DNMT3L: variants seen among roughly 807,000 people sequenced by gnomAD.
DNMT3L encodes DNA (cytosine-5)-methyltransferase 3-like.
DNMT3L carries 33 observed loss-of-function variants against 36.2 expected under a neutral mutation model. The observed-to-expected ratio is 0.91, with a 90% CI of 0.69 to 1.22. The LOEUF (loss-of-function observed/expected upper bound fraction) is 1.22, where lower values mean the gene tolerates loss of function less well. DNMT3L is among the 50% of genes most tolerant of loss of function. DNMT3L has a pLI of 0.00. For synonymous variants in DNMT3L, 117 were observed against 121.7 expected (o/e 0.96, Z 0.26); for missense variants, 310 against 303.1 (o/e 1.02, Z -0.17).
chr21:44,256,420 T>C (rs896380181), intron 6 of DNMT3L, among the ~76,000 whole-genome samples: 1 of 80,178 alleles, frequency 1.2e-5, no homozygotes, highest in Admixed American at 1.1e-4. Flanking sequence ...GGTTTGCTGA[T>C]TTTTTTTTTT....
chr21:44,259,642 G>A lies in DNMT3L; in HGVS notation c.221C>T (p.Ala74Val). Residue 74 changes from alanine (A) to valine (V), a missense_variant, in exon 4 of 12, where the codon GCC becomes GTC. By Grantham distance (64) the Ala-to-Val change is moderately conservative. Transcript: ENST00000628202. Reference sequence around the variant, plus strand: ...AGCCTCCCTGCCTACCTTACATGGGGCGCAGATCCCTCCCTCAAACAGAGG... The same window carrying A: ...AGCCTCCCTGCCTACCTTACATGGGACGCAGATCCCTCCCTCAAACAGAGG... Reference protein sequence around the residue: ...QHPLFEGGICAPCKDKFLDAL... With the variant: ...QHPLFEGGICVPCKDKFLDAL... 1 of 1,613,232 alleles carries A rather than the reference G, an allele frequency of 6.2e-7. No homozygotes were observed. Among genetic ancestry groups the A allele is most frequent in the East Asian group, 2.2e-5 (1 of 44,886 alleles).
chr21:44,254,746 G>A (rs55831401), intron 7 of DNMT3L, 41 bp from the exon 8 acceptor site: 131,361 of 1,607,200 alleles, frequency 0.082, 5,979 homozygotes, highest in Non-Finnish European at 0.094. Context: ...GGGTGAGCGT[G>A]GATTGTGCCC....
chr21:44,255,712 C>A (rs11909312), intron 7 of DNMT3L, among the ~76,000 whole-genome samples: 1 of 152,160 alleles, frequency 6.6e-6, no homozygotes, highest in Non-Finnish European at 1.5e-5. Context: ...GCTGTGCAGG[C>A]GCTGCGGGAT....
At position 44,258,667 on chromosome 21, in the gene DNMT3L, G is replaced by T. The variant is rs755214375; in HGVS notation, c.372C>A (p.Ser124Arg). 15 of 1,612,806 alleles carry T rather than the reference G, an allele frequency of 9.3e-6. No homozygotes were observed. The highest frequency in any genetic ancestry group is 1.3e-5 in the Non-Finnish European group (15 of 1,179,978). ...TCCCCGAGGTCCCGGGGCCGACCAG[G>T]CTATCCACACACTCGAAGCAGTAGC... ...TRCYCFECVD[S>R]LVGPGTSGKV... Residue 124 changes from serine (S) to arginine (R), a missense_variant, in exon 6 of 12, where the codon AGC becomes AGA. Ser to Arg is a moderately radical substitution (Grantham distance 110, BLOSUM62 -1). Transcript: ENST00000628202. The surrounding 1 kb of genome is among the most constrained non-coding windows in gnomAD (Gnocchi z 6.2).
chr21:44,261,359 C>T (rs1408496619), intron 1 of DNMT3L, 93 bp from the exon 2 acceptor site: 9 of 1,227,742 alleles, frequency 7.3e-6, no homozygotes, highest in Admixed American at 5.6e-5. Flanking sequence ...GCTTGCTGAG[C>T]AGACCTTGAC....
At position 44,259,556 on chromosome 21, in the gene DNMT3L, A is replaced by G. The variant is rs745831889; in HGVS notation, c.232-7T>C. The G allele has an allele frequency of 6.2e-7, 1 of 1,613,682 alleles. No individual in the cohort carries two copies. ...GGGCATCCAGGAACTTGTCCTTGGAAGGAGCAAAGCAAGGCTGGCTTGTGT... is the reference window on the plus strand; with the variant it reads ...GGGCATCCAGGAACTTGTCCTTGGAGGGAGCAAAGCAAGGCTGGCTTGTGT... On this transcript the variant is annotated splice_region_variant and splice_polypyrimidine_tract_variant and intron_variant, in intron 4 of 11. Coordinates refer to ENST00000628202, the MANE Select transcript of DNMT3L (RefSeq NM_175867.3).
Position 44,261,167 on chromosome 21 carries a change from G to A in DNMT3L, c.93C>T (p.Pro31=), listed in dbSNP as rs150520240. The A allele has an allele frequency of 4.7e-4, 753 of 1,612,642 alleles. 4 individuals are homozygous for A. In the South Asian group the frequency reaches 6.0e-3, roughly 13 times the overall value. ...GSSELSSSVS[P]GTGRDLIAYE... is the part of the protein sequence containing the mutation. Reference sequence around the variant, plus strand: ...ATGAGCCCTCACCTCTGCCTGTCCCGGGTGAAACGGAGCTTGAGAGCTCAC... The same window carrying A: ...ATGAGCCCTCACCTCTGCCTGTCCCAGGTGAAACGGAGCTTGAGAGCTCAC... The change falls in exon 2 of 12, where the codon CCC becomes CCT. Residue 31 remains proline (P), a synonymous_variant. Coordinates refer to ENST00000628202, the MANE Select transcript of DNMT3L (RefSeq NM_175867.3).
chr21:44,259,013 G>C (rs1371865513), intron 5 of DNMT3L, among the ~76,000 whole-genome samples: 1 of 152,118 alleles, frequency 6.6e-6, no homozygotes, highest in Non-Finnish European at 1.5e-5. Flanking sequence ...ACCAAATGTA[G>C]CAACAGCAGC....
In DNMT3L at chr21:44,261,269, G is replaced by A; in HGVS notation, c.-7-3C>T. The A allele has an allele frequency of 6.2e-7, 1 of 1,611,952 alleles. No individual in the cohort carries two copies. Among genetic ancestry groups the A allele is most frequent in the Middle Eastern group, 1.7e-4 (1 of 5,876 alleles). ...CTGGGATGGCCGCCATGGGGATGCT[G>A]TGTCAGGACACACGGACACAGATGT... On this transcript the variant is annotated splice_region_variant and splice_polypyrimidine_tract_variant and intron_variant, in intron 1 of 11. Transcript: ENST00000628202.
intron 7 of DNMT3L, among the ~76,000 whole-genome samples, 181 bp from the exon 8 acceptor site, chr21:44,254,886 C>T (rs112934072): frequency 6.6e-6 from 1 of 152,180 alleles, no homozygotes; most frequent in Non-Finnish European, 1.5e-5. Flanking sequence ...AGCGCAGTGG[C>T]GTGATCTTGG....
Position 44,258,399 on chromosome 21 carries a change from G to T in DNMT3L, c.516+124C>A. 2 of 1,340,778 alleles carry T rather than the reference G, an allele frequency of 1.5e-6. No homozygotes were observed. The highest frequency in any genetic ancestry group is 2.0e-6 in the Non-Finnish European group (2 of 1,008,164). The allele number at this position is 1,340,778 out of a possible 1,614,324, so 83.1% of individuals were successfully genotyped here. A position where few individuals can be genotyped will look rare whatever the true frequency, so the allele number is the denominator to read the frequency against. ...ATCGGAGAGGAACCCAGGAAAGAGTGTTTGCTCCCGAGGCTGCAGCCGTGG... is the reference window on the plus strand; with the variant it reads ...ATCGGAGAGGAACCCAGGAAAGAGTTTTTGCTCCCGAGGCTGCAGCCGTGG... On this transcript the variant is annotated intron_variant, in intron 6 of 11. Transcript: ENST00000628202. This position sits in a 1 kb window ranked among gnomAD's most constrained non-coding sequence, Gnocchi z 6.2.
intron 1 of DNMT3L, 42 bp from the exon 2 acceptor site, chr21:44,261,308 G>A: frequency 6.3e-7 from 1 of 1,586,896 alleles, no homozygotes; most frequent in Non-Finnish European, 8.6e-7. Flanking sequence ...AAAGCCGTCA[G>A]CCCCTGCTCA....
At chr21:44,260,977 T>C (rs537940811) in intron 2 of DNMT3L, 138 bp from the exon 3 acceptor site, 14 of 1,418,034 alleles carry the variant, frequency 9.9e-6, no homozygotes, top group Non-Finnish European at 1.4e-5. Context: ...CCCTCACACC[T>C]TATCTTGGTG....
Position 44,255,234 on chromosome 21 carries a change from A to G in DNMT3L, c.605-529T>C, listed in dbSNP as rs115951705. On this transcript the variant is annotated intron_variant, in intron 7 of 11. Transcript: ENST00000628202. The stretch of plus-strand genomic sequence containing the variant: ...GCCAAGTATTGATTTAAGAATGTCA[A>G]GCACGGCCGGGCACAGACGCTCAAG... 3.3e-3 allele frequency among the ~76,000 whole-genome samples: 506 copies of G among 152,242 alleles called. 2 individuals carry two copies. Among genetic ancestry groups the G allele is most frequent in the African/African-American group, 0.012 (488 of 41,556 alleles).
chr21:44,259,123 C>T (rs769055749), intron 5 of DNMT3L, among the ~76,000 whole-genome samples: 4 of 152,052 alleles, frequency 2.6e-5, no homozygotes, highest in East Asian at 1.9e-4. Context: ...GAGGGAGTAA[C>T]GACTGAGGGG....
Position 44,259,655 on chromosome 21 carries a change from C to T in DNMT3L, c.208G>A (p.Gly70Arg), listed in dbSNP as rs1333531589. 5 of 1,613,178 alleles carry T rather than the reference C, an allele frequency of 3.1e-6. No homozygotes were observed. The highest frequency in any genetic ancestry group is 4.2e-6 in the Non-Finnish European group (5 of 1,179,804). Residue 70 changes from glycine (G) to arginine (R), a missense_variant, in exon 4 of 12, where the codon GGA (glycine) becomes AGA (arginine). Gly to Arg is a moderately radical substitution (Grantham distance 125). Transcript: ENST00000628202. ...QVHTQHPLFE[G>R]GICAPCKDKF... ...ACCTTACATGGGGCGCAGATCCCTC[C>T]CTCAAACAGAGGGTGCTGTGTGTGA...
At position 44,259,434 on chromosome 21, in the gene DNMT3L, C is replaced by G. The variant is rs1294747657; in HGVS notation, c.344+3G>C. On this transcript the variant is annotated splice_donor_region_variant and intron_variant, in intron 5 of 11. Coordinates refer to ENST00000628202, the MANE Select transcript of DNMT3L (RefSeq NM_175867.3). ...ACCCCCCTGGGCAGGCCCCTCGCCT[C>G]ACCGGGTGCAATCAGGGTTTCCGCA... The G allele has an allele frequency of 6.2e-7, 1 of 1,613,420 alleles. No individual in the cohort carries two copies. Among genetic ancestry groups the G allele is most frequent in the African/African-American group, 1.3e-5 (1 of 74,936 alleles).
At chr21:44,259,209 A>T (rs1437442491) in intron 5 of DNMT3L, among the ~76,000 whole-genome samples, 1 of 152,122 alleles carries the variant, frequency 6.6e-6, no homozygotes, top group Admixed American at 6.5e-5. Context: ...CTGCACAGCG[A>T]TGTGGCAATA....
intron 2 of DNMT3L, 85 bp downstream of exon 2, chr21:44,261,069 C>G: frequency 2.0e-6 from 3 of 1,533,686 alleles, no homozygotes; most frequent in Non-Finnish European, 2.7e-6. Flanking sequence ...TGCATGAATA[C>G]TCCAGAAGCC....
Sources: gnomAD v4.1 joint callset for allele counts (sites outside exome capture counted in the v4.1 genomes callset) on GRCh38, gnomAD v4.1.1 for gene constraint, Gnocchi (gnomAD v3.1) non-coding constraint, MANE v1.5 for transcripts, NCBI Gene and HGNC (gene_info 2026-07-23, HGNC 2026-07-21) for gene names.